The following RSBN1L variants were observed in gnomAD, a reference collection of about 807,000 sequenced individuals.
The protein encoded by RSBN1L is round spermatid basic protein 1 like.
In RSBN1L, 30 loss-of-function variants were observed where a neutral mutation model predicts 67.7. That is an observed-to-expected ratio of 0.44 (90% CI 0.33 to 0.60). RSBN1L has a LOEUF of 0.60. RSBN1L is among the 20% of genes least tolerant of loss of function. The probability of loss-of-function intolerance (pLI) is 0.02; values close to 1 mark genes in which losing one functional copy is unlikely to be tolerated. For missense variants in RSBN1L, 992 were observed against 1,031.7 expected (o/e 0.96, Z 0.53); for synonymous variants, 433 against 387.0 (o/e 1.12, Z -1.39).
chr7:77,718,623 T>C (rs1185277689), intron 1 of RSBN1L, among the ~76,000 whole-genome samples: 1 of 152,176 alleles, frequency 6.6e-6, no homozygotes, highest in Non-Finnish European at 1.5e-5. Flanking sequence ...TTTTCTACTT[T>C]AACATTTTTC....
intron 3 of RSBN1L, among the ~76,000 whole-genome samples, chr7:77,763,670 G>A (rs1256404164): frequency 1.3e-5 from 2 of 152,162 alleles, no homozygotes; most frequent in Non-Finnish European, 2.9e-5. Context: ...CATACAATGG[G>A]GGCATAAGCC....
chr7:77,722,968 CTTT>C (rs71531006), intron 1 of RSBN1L, among the ~76,000 whole-genome samples: 5 of 132,302 alleles, frequency 3.8e-5, no homozygotes, highest in Non-Finnish European at 3.2e-5. Context: ...TTTCTCTCTT[CTTT>C]TTTTTTTTTT....
intron 1 of RSBN1L, among the ~76,000 whole-genome samples, chr7:77,718,182 T>G (rs780365792): frequency 6.6e-6 from 1 of 152,200 alleles, no homozygotes; most frequent in Non-Finnish European, 1.5e-5. Context: ...AGCTCTACAA[T>G]GTCACAGAAG....
chr7:77,765,460 G>T (rs184779715), intron 3 of RSBN1L, 35 bp from the exon 4 acceptor site: 2 of 1,470,692 alleles, frequency 1.4e-6, no homozygotes, highest in East Asian at 4.7e-5. Flanking sequence ...TAAAAAGAAC[G>T]TATTTAACTT....
intron 1 of RSBN1L, among the ~76,000 whole-genome samples, chr7:77,703,065 T>C (rs924359120): frequency 1.3e-5 from 2 of 152,206 alleles, no homozygotes; most frequent in Admixed American, 1.3e-4. Flanking sequence ...GACAGGGTTC[T>C]AGCGCTTCAT....
intron 1 of RSBN1L, among the ~76,000 whole-genome samples, chr7:77,711,934 A>T (rs1272160880): frequency 6.6e-6 from 1 of 152,174 alleles, no homozygotes; most frequent in Non-Finnish European, 1.5e-5. Context: ...CCTACCACCC[A>T]TTTGTGATCT....
At chr7:77,743,687 T>C (rs1287253682) in intron 2 of RSBN1L, among the ~76,000 whole-genome samples, 3 of 123,536 alleles carry the variant, frequency 2.4e-5, no homozygotes, top group Admixed American at 7.8e-5. Context: ...TTCACTCAAA[T>C]GAAGTTTTAT....
rs573276848 is a variant in RSBN1L, at chr7:77,740,004, G to A, written c.703+3478G>A. 3.2e-3 allele frequency among the ~76,000 whole-genome samples: 480 copies of A among 151,550 alleles called. 2 individuals carry two copies. Among genetic ancestry groups the A allele is most frequent in the African/African-American group, 0.011 (452 of 41,368 alleles). ...TGAGGTCAGGCAGCCTGCCTGACCC[G>A]GCCTCCCAAAGTGCTGGGATTATAG... On this transcript the variant is annotated intron_variant, in intron 2 of 7. Transcript: ENST00000334955.
intron 1 of RSBN1L, among the ~76,000 whole-genome samples, chr7:77,715,636 G>C (rs1014643108): frequency 3.3e-5 from 5 of 152,126 alleles, no homozygotes; most frequent in Non-Finnish European, 7.4e-5. Flanking sequence ...GCTGTTAAGT[G>C]TAAGTGGCCT....
intron 1 of RSBN1L, among the ~76,000 whole-genome samples, chr7:77,701,697 G>A (rs886077554): frequency 6.7e-6 from 1 of 148,996 alleles, no homozygotes; most frequent in Non-Finnish European, 1.5e-5. Flanking sequence ...TGTTGCCTAG[G>A]CTGGAGTGCA....
chr7:77,706,949 T>C (rs181721101), intron 1 of RSBN1L, among the ~76,000 whole-genome samples: 7 of 152,282 alleles, frequency 4.6e-5, no homozygotes, highest in Non-Finnish European at 8.8e-5. Context: ...AGAATTATAA[T>C]CTCTATTCCA....
intron 1 of RSBN1L, among the ~76,000 whole-genome samples, chr7:77,715,147 C>T (rs1027780391): frequency 6.6e-6 from 1 of 151,968 alleles, no homozygotes; most frequent in African/African-American, 2.4e-5. Flanking sequence ...TGGCATGTGC[C>T]TGTAATCCCA....
chr7:77,742,182 T>TACACACACACACAC (rs1169498942), intron 2 of RSBN1L, among the ~76,000 whole-genome samples: 12 of 80,292 alleles, frequency 1.5e-4, no homozygotes, highest in African/African-American at 4.7e-4. Flanking sequence ...AAAAAAAAAA[T>TACACACACACACAC]ACACACACAC....
chr7:77,752,681 A>C (rs1208364369), intron 3 of RSBN1L, among the ~76,000 whole-genome samples: 1 of 152,320 alleles, frequency 6.6e-6, no homozygotes, highest in African/African-American at 2.4e-5. Context: ...CATAGTATAC[A>C]TATTATAAAT....
Position 77,731,423 on chromosome 7 carries a change from A to G in RSBN1L, c.587-4987A>G, listed in dbSNP as rs531069287. Reference sequence around the variant, plus strand: ...GCTAATTTTTGTACTTTTAGTAGAGACAGGGTTTCATCATGTTGCCCAGGC... The same window carrying G: ...GCTAATTTTTGTACTTTTAGTAGAGGCAGGGTTTCATCATGTTGCCCAGGC... On this transcript the variant is annotated intron_variant, in intron 1 of 7. Coordinates refer to ENST00000334955, the MANE Select transcript of RSBN1L (RefSeq NM_198467.3). Among the ~76,000 whole-genome samples the G allele has an allele frequency of 2.0e-5, 3 of 152,214 alleles. No homozygotes were observed. The South Asian group carries it at 6.2e-4, about 32-fold the overall frequency.
chr7:77,761,088 T>A (rs1201660300), intron 3 of RSBN1L, among the ~76,000 whole-genome samples: 2 of 152,334 alleles, frequency 1.3e-5, no homozygotes, highest in Admixed American at 6.5e-5. Flanking sequence ...GATAGGCTAT[T>A]TTTTTAGTTA....
intron 3 of RSBN1L, among the ~76,000 whole-genome samples, chr7:77,754,841 C>T (rs1252889987): frequency 6.6e-6 from 1 of 152,048 alleles, no homozygotes; most frequent in Non-Finnish European, 1.5e-5. Context: ...TGCACTCCAG[C>T]CTGGGCAGCA....
At chr7:77,716,469 T>TC (rs35388715) in intron 1 of RSBN1L, among the ~76,000 whole-genome samples, 13 of 150,858 alleles carry the variant, frequency 8.6e-5, no homozygotes, top group South Asian at 2.1e-4. Flanking sequence ...TTTTTTTTTT[T>TC]CACCATTTTT....
intron 1 of RSBN1L, among the ~76,000 whole-genome samples, chr7:77,716,878 G>T (rs917830340): frequency 4.0e-5 from 6 of 151,754 alleles, no homozygotes; most frequent in Non-Finnish European, 8.8e-5. Context: ...TGATCTGCTT[G>T]CCTTGGCCTC....
Sources: allele counts gnomAD v4.1 joint callset (sites outside exome capture counted in the v4.1 genomes callset), GRCh38; gene constraint gnomAD v4.1.1; transcripts MANE v1.5; gene names NCBI Gene and HGNC (gene_info 2026-07-23, HGNC 2026-07-21).